MICAL3: variants seen among roughly 807,000 people sequenced by gnomAD.
MICAL3 encodes [F-actin]-monooxygenase MICAL3.
A neutral mutation model predicts 207.4 loss-of-function variants in MICAL3; 62 were observed. The observed-to-expected ratio is 0.30, with a 90% CI of 0.24 to 0.37. The LOEUF (loss-of-function observed/expected upper bound fraction) is 0.37, where lower values mean the gene tolerates loss of function less well. Ranked by LOEUF, MICAL3 falls within the 10% of genes least tolerant of loss-of-function variation. MICAL3 has a pLI of 1.00. For missense variants in MICAL3, 2,368 were observed against 2,635.6 expected (o/e 0.90, Z 2.22); for synonymous variants, 1,077 against 1,069.3 (o/e 1.01, Z -0.14).
In MICAL3 at chr22:17,795,661, G is replaced by C. The variant is rs1009442451; in HGVS notation, c.5651-4360C>G. Among the ~76,000 whole-genome samples the C allele has an allele frequency of 1.3e-5, 2 of 152,348 alleles. 1 individual carries two copies. Among genetic ancestry groups the C allele is most frequent in the South Asian group, 4.1e-4 (2 of 4,830 alleles). On this transcript the variant is annotated intron_variant, in intron 29 of 31. Transcript: ENST00000441493. ...GCAAGCATTTAAAGAAGCCAAAAAG[G>C]CTTTCTCCTAGCAAGAGGCAGAAGC...
At chr22:17,843,174 T>C (rs1398832116) in intron 19 of MICAL3, among the ~76,000 whole-genome samples, 1 of 152,050 alleles carries the variant, frequency 6.6e-6, no homozygotes, top group Non-Finnish European at 1.5e-5. Context: ...TACCATTCTT[T>C]GGTAAAGAAG....
At chr22:17,989,384 C>T (rs768239775) in intron 1 of MICAL3, among the ~76,000 whole-genome samples, 1 of 152,146 alleles carries the variant, frequency 6.6e-6, no homozygotes, top group Non-Finnish European at 1.5e-5. Context: ...GCGCTGAAAT[C>T]AACTATTTGT....
chr22:17,995,116 C>T (rs1922128976), intron 1 of MICAL3, among the ~76,000 whole-genome samples: 1 of 152,160 alleles, frequency 6.6e-6, no homozygotes, highest in Admixed American at 6.6e-5. Context: ...CCGCTTCCAC[C>T]TTTCATCAAG....
At chr22:17,851,402 T>C (rs1439717158) in intron 19 of MICAL3, among the ~76,000 whole-genome samples, 3 of 152,208 alleles carry the variant, frequency 2.0e-5, no homozygotes, top group Non-Finnish European at 4.4e-5. Flanking sequence ...TCTCCCCTTC[T>C]GTTCAGGTCT....
intron 1 of MICAL3, among the ~76,000 whole-genome samples, chr22:17,919,970 AT>A (rs1361944857): frequency 6.6e-6 from 1 of 152,258 alleles, no homozygotes; most frequent in East Asian, 1.9e-4. Context: ...TGAAGGACCC[AT>A]AACACTTCTG....
At chr22:18,018,653 C>T (rs976757165) in intron 1 of MICAL3, among the ~76,000 whole-genome samples, 3 of 152,016 alleles carry the variant, frequency 2.0e-5, no homozygotes, top group African/African-American at 4.8e-5. Context: ...ACCTGGGAGG[C>T]GGAGGTTGTA....
At chr22:17,928,791 A>T (rs1933060290) in intron 1 of MICAL3, among the ~76,000 whole-genome samples, 1 of 152,060 alleles carries the variant, frequency 6.6e-6, no homozygotes, top group Admixed American at 6.6e-5. Context: ...AATGACTGGC[A>T]CCCTTAGAAC....
Position 17,818,019 on chromosome 22 carries a change from A to G in MICAL3, c.4642T>C (p.Ser1548Pro). 2.5e-6 allele frequency: 4 copies of G among 1,612,384 alleles called. No homozygotes were observed. The African/African-American group carries it at 5.3e-5, about 21-fold the overall frequency. ...SLQEKFFTPP[S>P]CWPRPEKPRH... ...GGCTTCTCGGGGCGCGGCCAGCAGG[A>G]CGGGGGCGTGAAGAATTTCTCCTGC... The change falls in exon 26 of 32, where the codon TCC (serine) becomes CCC (proline). Residue 1548 changes from serine to proline, a missense_variant. This residue lies in a region of MICAL3 where 1,770 missense variants were observed against 1,863.2 expected (regional missense o/e 0.95). Transcript: ENST00000441493.
intron 21 of MICAL3, 124 bp downstream of exon 21, chr22:17,831,730 G>A: frequency 7.0e-7 from 1 of 1,430,682 alleles, no homozygotes; most frequent in Non-Finnish European, 9.3e-7. Context: ...CAGGAGGGGT[G>A]GTCCCTGGGC....
At chr22:17,977,773 C>T (rs144009451) in intron 1 of MICAL3, among the ~76,000 whole-genome samples, 18,104 of 152,146 alleles carry the variant, frequency 0.12, 1,355 homozygotes, top group Middle Eastern at 0.2. Context: ...CCTGTAATCC[C>T]AGCACTTTGG....
chr22:17,879,359 G>T, intron 16 of MICAL3: 2 of 1,611,626 alleles, frequency 1.2e-6, no homozygotes, highest in Middle Eastern at 3.3e-4. Context: ...CTCATGGTGG[G>T]GGCTCTGCTT....
chr22:18,014,041 C>G (rs1043902877), intron 1 of MICAL3, among the ~76,000 whole-genome samples: 3 of 152,030 alleles, frequency 2.0e-5, no homozygotes, highest in African/African-American at 7.2e-5. Context: ...AAGGAGTCCA[C>G]CCACCTCAGC....
intron 1 of MICAL3, chr22:18,000,992 G>A (rs1006734986): frequency 7.1e-6 from 1 of 141,634 alleles, no homozygotes; most frequent in Non-Finnish European, 1.5e-5. Flanking sequence ...ACCCAGAGCC[G>A]GGCTAAGCCC....
chr22:17,990,318 C>A lies in MICAL3; in HGVS notation c.-75+33963G>T, dbSNP rs532894970. Among the ~76,000 whole-genome samples, 3 of 152,270 alleles carry A rather than the reference C, an allele frequency of 2.0e-5. No individual in the cohort carries two copies. The East Asian group carries it at 5.8e-4, about 29-fold the overall frequency. The stretch of plus-strand genomic sequence containing the variant: ...CCGCAAAGAAACCTGTGCTGACTCA[C>A]TGGATAGTCTGGACCCAGCATGCTC... On this transcript the variant is annotated intron_variant, in intron 1 of 31. Coordinates refer to ENST00000441493, the MANE Select transcript of MICAL3 (RefSeq NM_015241.3).
chr22:17,924,848 A>T (rs1193936358), intron 1 of MICAL3, among the ~76,000 whole-genome samples: 1 of 152,202 alleles, frequency 6.6e-6, no homozygotes, highest in Non-Finnish European at 1.5e-5. Context: ...TGCCCACAAT[A>T]GCTCCAGTGC....
intron 19 of MICAL3, chr22:17,863,080 T>C (rs2146134478): frequency 2.0e-6 from 2 of 985,430 alleles, no homozygotes; most frequent in Non-Finnish European, 2.4e-6. Flanking sequence ...CTTCCTCTTA[T>C]TCTCTATGGA....
intron 19 of MICAL3, chr22:17,860,862 G>A: frequency 2.0e-6 from 2 of 985,390 alleles, no homozygotes; most frequent in Non-Finnish European, 2.4e-6. Flanking sequence ...CCCAGTGTGA[G>A]GCTCCCGTGG....
At chr22:17,798,187 C>T (rs182393866) in intron 29 of MICAL3, among the ~76,000 whole-genome samples, 1 of 152,342 alleles carries the variant, frequency 6.6e-6, no homozygotes, top group African/African-American at 2.4e-5. Context: ...CCATTTACAA[C>T]TCTATTTCCA....
chr22:17,886,188 C>G (rs966539788), intron 15 of MICAL3, 137 bp from the exon 16 acceptor site: 21 of 868,696 alleles, frequency 2.4e-5, no homozygotes, highest in African/African-American at 3.3e-5. Flanking sequence ...CGTGTCCACA[C>G]AGAGACAGCA....
Sources: gnomAD v4.1 joint callset for allele counts (sites outside exome capture counted in the v4.1 genomes callset) on GRCh38, gnomAD v4.1.1 for gene constraint, gnomAD v4.1.1 regional missense constraint, MANE v1.5 for transcripts, NCBI Gene and HGNC (gene_info 2026-07-23, HGNC 2026-07-21) for gene names.